CDC73: variants seen among roughly 807,000 people sequenced by gnomAD.
The protein encoded by CDC73 is parafibromin.
Under a neutral mutation model 83.7 loss-of-function variants are expected in CDC73, and 21 were observed. The observed-to-expected ratio is 0.25, with a 90% CI of 0.18 to 0.36. The LOEUF (loss-of-function observed/expected upper bound fraction) is 0.36, where lower values mean the gene tolerates loss of function less well. CDC73 is among the 10% of genes least tolerant of loss of function. The probability of loss-of-function intolerance (pLI) is 1.00; values close to 1 mark genes in which losing one functional copy is unlikely to be tolerated. For synonymous variants in CDC73, 224 were observed against 212.9 expected (o/e 1.05, Z -0.45); for missense variants, 342 against 653.3 (o/e 0.52, Z 5.19).
At chr1:193,193,780 AGTGT>A (rs71111459) in intron 10 of CDC73, among the ~76,000 whole-genome samples, 13,766 of 135,678 alleles carry the variant, frequency 0.1, 748 homozygotes, top group South Asian at 0.15. Flanking sequence ...TCTTACTTGT[AGTGT>A]GTGTGTGTGT....
intron 13 of CDC73, among the ~76,000 whole-genome samples, chr1:193,216,330 G>A (rs1677366835): frequency 6.6e-6 from 1 of 152,040 alleles, no homozygotes; most frequent in African/African-American, 2.4e-5. Flanking sequence ...ACACAAACTA[G>A]AATACCTAAA....
Position 193,250,926 on chromosome 1 carries a change from A to G in CDC73, c.*214A>G. 1.9e-6 allele frequency: 1 copy of G among 533,496 alleles called. No homozygotes were observed. The highest frequency in any genetic ancestry group is 2.9e-5 in the South Asian group (1 of 34,112). 33.0% of individuals were successfully genotyped at this position (533,496 alleles called of 1,614,324 possible). On this transcript the variant is annotated 3_prime_UTR_variant, in exon 17 of 17. Transcript: ENST00000367435. Reference sequence around the variant, plus strand: ...CCTTCTAGTCTGTAATGGAAATTGTATATTTTGATAGAAGTTTTTTCTCCA... The same window carrying G: ...CCTTCTAGTCTGTAATGGAAATTGTGTATTTTGATAGAAGTTTTTTCTCCA...
At chr1:193,153,485 C>T (rs542811034) in intron 10 of CDC73, among the ~76,000 whole-genome samples, 8 of 152,200 alleles carry the variant, frequency 5.3e-5, no homozygotes, top group East Asian at 1.9e-4. Context: ...CAGATCTTTA[C>T]GGACTCTATA....
In CDC73 at chr1:193,128,370, C is replaced by T. The variant is rs145840851; in HGVS notation, c.238-1804C>T. 4.3e-3 allele frequency among the ~76,000 whole-genome samples: 659 copies of T among 151,982 alleles called. 5 individuals carry two copies. The highest frequency in any genetic ancestry group is 0.015 in the African/African-American group (612 of 41,472). On this transcript the variant is annotated intron_variant, in intron 2 of 16. Coordinates refer to ENST00000367435, the MANE Select transcript of CDC73 (RefSeq NM_024529.5). ...GTGCAGTGGCAGGATCTTGGCTTGC[C>T]ACAGCCTTACCCTCCCGGGCTCAAG...
chr1:193,149,648 A>G (rs1461030691), intron 8 of CDC73, among the ~76,000 whole-genome samples: 2 of 152,196 alleles, frequency 1.3e-5, no homozygotes, highest in Non-Finnish European at 2.9e-5. Flanking sequence ...ATTGATAAGT[A>G]TATTTTATTT....
rs988184145 is a variant in CDC73, at chr1:193,227,733, A to G, written c.1155-5260A>G. Among the ~76,000 whole-genome samples the G allele has an allele frequency of 5.3e-5, 8 of 152,338 alleles. No individual in the cohort carries two copies. In the East Asian group the frequency reaches 1.5e-3, roughly 29 times the overall value. The stretch of plus-strand genomic sequence containing the variant: ...GGAAGCAAAAATTATAACATTCGTC[A>G]TATTTGAATTTCAGATGCATTTTTA... On this transcript the variant is annotated intron_variant, in intron 13 of 16. Transcript: ENST00000367435.
chr1:193,150,852 T>A (rs1437215940), intron 9 of CDC73, among the ~76,000 whole-genome samples: 1 of 152,230 alleles, frequency 6.6e-6, no homozygotes, highest in Non-Finnish European at 1.5e-5. Flanking sequence ...GACTGGTTAA[T>A]AAATATTGAA....
intron 10 of CDC73, chr1:193,180,364 T>C (rs781165102): frequency 1.9e-6 from 3 of 1,612,708 alleles, no homozygotes; most frequent in South Asian, 1.1e-5. Context: ...ATTGTGCTTA[T>C]TTTGTTGTAA....
chr1:193,144,751 G>C (rs146759333), intron 7 of CDC73, among the ~76,000 whole-genome samples: 1 of 151,688 alleles, frequency 6.6e-6, no homozygotes, highest in African/African-American at 2.4e-5. Context: ...GTTGTGTGAA[G>C]TATGAACTGA....
At chr1:193,184,136 T>G (rs1290405342) in intron 10 of CDC73, among the ~76,000 whole-genome samples, 1 of 151,890 alleles carries the variant, frequency 6.6e-6, no homozygotes, top group East Asian at 1.9e-4. Context: ...TAATTTAGAC[T>G]TCATGGTATT....
intron 10 of CDC73, among the ~76,000 whole-genome samples, chr1:193,195,463 T>C (rs908688472): frequency 1.3e-5 from 2 of 152,160 alleles, no homozygotes; most frequent in Non-Finnish European, 2.9e-5. Flanking sequence ...TGAACTTGGG[T>C]GTAAAAATAT....
chr1:193,168,803 G>A (rs574149111), intron 10 of CDC73, among the ~76,000 whole-genome samples: 12 of 152,326 alleles, frequency 7.9e-5, no homozygotes, highest in African/African-American at 2.6e-4. Context: ...GGGATTACAC[G>A]CGTGAGCCAC....
chr1:193,182,410 TGTAA>T (rs1158530212), intron 10 of CDC73, among the ~76,000 whole-genome samples: 3 of 152,178 alleles, frequency 2.0e-5, no homozygotes, highest in Non-Finnish European at 4.4e-5. Context: ...AAATACAGCA[TGTAA>T]GTGTCTTTGA....
intron 11 of CDC73, 58 bp downstream of exon 11, chr1:193,203,910 T>C (rs1484380970): frequency 4.4e-6 from 6 of 1,350,272 alleles, no homozygotes; most frequent in Non-Finnish European, 6.4e-6. Context: ...CAGTGCAAGT[T>C]TTTAGTATGC....
At chr1:193,156,161 ATGGTTCCAC>A (rs1410531429) in intron 10 of CDC73, among the ~76,000 whole-genome samples, 1 of 152,216 alleles carries the variant, frequency 6.6e-6, no homozygotes, top group African/African-American at 2.4e-5. Flanking sequence ...GAACCAATTT[ATGGTTCCAC>A]TGGAGAAATA....
intron 13 of CDC73, among the ~76,000 whole-genome samples, chr1:193,228,879 C>T (rs562968411): frequency 6.6e-6 from 1 of 152,028 alleles, no homozygotes; most frequent in South Asian, 2.1e-4. Context: ...TTTCATTGCA[C>T]ATTTGTAACA....
intron 3 of CDC73, among the ~76,000 whole-genome samples, chr1:193,132,813 G>C (rs750824012): frequency 7.9e-5 from 12 of 151,922 alleles, no homozygotes; most frequent in Non-Finnish European, 1.2e-4. Context: ...CTAGTTTTGG[G>C]GAAGCACTTT....
At chr1:193,245,913 G>A (rs1454001028) in intron 15 of CDC73, among the ~76,000 whole-genome samples, 2 of 152,006 alleles carry the variant, frequency 1.3e-5, no homozygotes, top group African/African-American at 4.8e-5. Context: ...TAATATATTT[G>A]TTGACTATTT....
At chr1:193,198,244 G>T (rs1409253421) in intron 10 of CDC73, among the ~76,000 whole-genome samples, 1 of 152,154 alleles carries the variant, frequency 6.6e-6, no homozygotes, top group Non-Finnish European at 1.5e-5. Context: ...GTATAATGAG[G>T]TGTTATGGTC....
Sources: gnomAD v4.1 joint callset for allele counts (sites outside exome capture counted in the v4.1 genomes callset) on GRCh38, gnomAD v4.1.1 for gene constraint, MANE v1.5 for transcripts, NCBI Gene and HGNC (gene_info 2026-07-23, HGNC 2026-07-21) for gene names.